The following COL25A1 variants were observed in gnomAD, a reference collection of about 807,000 sequenced individuals.
COL25A1 encodes collagen type XXV alpha 1 chain.
Under a neutral mutation model 128.4 loss-of-function variants are expected in COL25A1, and 103 were observed. The observed-to-expected ratio is 0.80, with a 90% CI of 0.68 to 0.94. The LOEUF is 0.94. Ranked by LOEUF, COL25A1 falls within the 40% of genes least tolerant of loss-of-function variation. COL25A1 has a pLI of 0.00. For synonymous variants in COL25A1, 279 were observed against 277.2 expected, an observed-to-expected ratio of 1.01 and a Z score of -0.06; for missense variants, 745 against 840.0, an observed-to-expected ratio of 0.89 and a Z score of 1.40.
At chr4:108,933,375 T>A (rs910482261) in intron 11 of COL25A1, among the ~76,000 whole-genome samples, 2 of 152,202 alleles carry the variant, frequency 1.3e-5, no homozygotes, top group African/African-American at 4.8e-5. Flanking sequence ...GTATTTATTA[T>A]CTTTTGTTTG....
rs557826067 is a variant in COL25A1, at chr4:109,210,256, T to C, written c.367+90327A>G. ...GCAATATGGTTGTCAAAAAACTCCA[T>C]TTTATATTGAATAACTGTAATGTTT... On this transcript the variant is annotated intron_variant, in intron 3 of 37. Transcript: ENST00000399132. Among the ~76,000 whole-genome samples, 186 of 152,172 alleles carry C rather than the reference T, an allele frequency of 1.2e-3. 1 individual carries two copies. The highest frequency in any genetic ancestry group is 4.1e-3 in the African/African-American group (170 of 41,468).
chr4:109,138,909 C>G (rs1429263185), intron 3 of COL25A1, among the ~76,000 whole-genome samples: 2 of 151,902 alleles, frequency 1.3e-5, no homozygotes, highest in South Asian at 2.1e-4. Context: ...GGGTTTCACC[C>G]TGTTAGCCAG....
chr4:109,198,294 TCACACACACACACACACA>T (rs112993547), intron 3 of COL25A1, among the ~76,000 whole-genome samples: 2 of 143,946 alleles, frequency 1.4e-5, no homozygotes, highest in Admixed American at 6.9e-5. Context: ...GCATATTCAT[TCACACACACACACACACA>T]CACACACACA....
intron 3 of COL25A1, among the ~76,000 whole-genome samples, chr4:109,293,004 A>G (rs1724617465): frequency 1.3e-5 from 2 of 152,002 alleles, no homozygotes; most frequent in Non-Finnish European, 2.9e-5. Context: ...TTATGATCAT[A>G]TCATATATTA....
chr4:109,139,830 G>GCCC (rs1770211487), intron 3 of COL25A1, among the ~76,000 whole-genome samples: 1 of 63,688 alleles, frequency 1.6e-5, no homozygotes, highest in Non-Finnish European at 3.3e-5. Context: ...CCCTCCCCCC[G>GCCC]ACCCCACAAC....
intron 3 of COL25A1, among the ~76,000 whole-genome samples, chr4:109,263,970 T>C (rs752320307): frequency 1.1e-4 from 16 of 152,194 alleles, no homozygotes; most frequent in Non-Finnish European, 2.1e-4. Context: ...AGTCGCTTCA[T>C]TCATGTCACT....
intron 3 of COL25A1, among the ~76,000 whole-genome samples, chr4:109,290,260 CT>C (rs947768202): frequency 2.0e-5 from 3 of 151,878 alleles, no homozygotes; most frequent in Non-Finnish European, 2.9e-5. Flanking sequence ...ATAAATGAAC[CT>C]TTTTTTTAAA....
chr4:108,810,083 G>A lies in COL25A1; in HGVS notation c.*3844C>T, dbSNP rs944411369. 1 of 151,582 alleles carries A rather than the reference G, an allele frequency of 6.6e-6. No individual in the cohort carries two copies. The highest frequency in any genetic ancestry group is 2.4e-5 in the African/African-American group (1 of 41,318). The allele number at this position is 151,582 out of a possible 1,614,324, so 9.4% of individuals were successfully genotyped here. On this transcript the variant is annotated 3_prime_UTR_variant, in exon 38 of 38. Transcript: ENST00000399132. ...TGTTGCTTATGATCACTTATTAGAAGATGTTAAAACACCACCAAAGTATAG... is the reference window on the plus strand; with the variant it reads ...TGTTGCTTATGATCACTTATTAGAAAATGTTAAAACACCACCAAAGTATAG...
intron 3 of COL25A1, among the ~76,000 whole-genome samples, chr4:109,168,732 G>A (rs1773300699): frequency 6.6e-6 from 1 of 152,076 alleles, no homozygotes; most frequent in African/African-American, 2.4e-5. Context: ...ACTAAACCAA[G>A]CTGTGACTCA....
At chr4:109,245,764 G>A (rs1393981959) in intron 3 of COL25A1, among the ~76,000 whole-genome samples, 1 of 152,092 alleles carries the variant, frequency 6.6e-6, no homozygotes, top group African/African-American at 2.4e-5. Context: ...AAGAATCATG[G>A]AACAGGAATA....
chr4:108,919,314 C>T (rs1010770947), intron 12 of COL25A1, among the ~76,000 whole-genome samples: 1 of 152,094 alleles, frequency 6.6e-6, no homozygotes, highest in African/African-American at 2.4e-5. Flanking sequence ...AAGGACTTCC[C>T]GAAGCCTGAA....
intron 6 of COL25A1, among the ~76,000 whole-genome samples, chr4:108,990,228 AAAAAAAAAAAAATATATATATAT>A (rs1221515484): frequency 4.2e-5 from 3 of 71,148 alleles, no homozygotes; most frequent in Admixed American, 2.2e-4. Flanking sequence ...AAAAAAAAAA[AAAAAAAAAAAAATATATATATAT>A]ATATATATAT....
intron 5 of COL25A1, among the ~76,000 whole-genome samples, chr4:109,013,197 G>A (rs138916763): frequency 0.08 from 12,111 of 151,878 alleles, 817 homozygotes; most frequent in African/African-American, 0.19. Flanking sequence ...ACCAATCAGT[G>A]CTCTGTGTCT....
At chr4:108,860,689 G>T (rs1210007260) in intron 23 of COL25A1, among the ~76,000 whole-genome samples, 2 of 152,032 alleles carry the variant, frequency 1.3e-5, no homozygotes, top group Non-Finnish European at 1.5e-5. Context: ...GTAGACAGGG[G>T]GAGTTCTTTA....
intron 3 of COL25A1, among the ~76,000 whole-genome samples, chr4:109,052,118 C>A (rs1013916361): frequency 2.6e-5 from 4 of 152,010 alleles, no homozygotes; most frequent in African/African-American, 9.7e-5. Context: ...ATGTGTCTTT[C>A]AACAGTGGAT....
chr4:108,845,294 T>C, intron 28 of COL25A1, 43 bp from the exon 29 acceptor site: 1 of 1,529,496 alleles, frequency 6.5e-7, no homozygotes, highest in Non-Finnish European at 9.1e-7. Context: ...TAAAGTTATT[T>C]CCAGTGTAAG....
At chr4:109,293,798 A>G (rs1724706809) in intron 3 of COL25A1, among the ~76,000 whole-genome samples, 1 of 152,138 alleles carries the variant, frequency 6.6e-6, no homozygotes, top group South Asian at 2.1e-4. Context: ...TTATGTGGCA[A>G]CTTAACATTG....
intron 3 of COL25A1, among the ~76,000 whole-genome samples, chr4:109,288,398 C>A (rs775961721): frequency 6.6e-6 from 1 of 152,126 alleles, no homozygotes; most frequent in East Asian, 1.9e-4. Flanking sequence ...AATTGATTTA[C>A]TCACAAATAT....
At chr4:109,091,732 GAA>G (rs546146394) in intron 3 of COL25A1, among the ~76,000 whole-genome samples, 18 of 129,614 alleles carry the variant, frequency 1.4e-4, no homozygotes, top group South Asian at 4.9e-4. Flanking sequence ...TCTTTAGGTG[GAA>G]AAAAAAAAAA....
Sources: allele counts gnomAD v4.1 joint callset (sites outside exome capture counted in the v4.1 genomes callset), GRCh38; gene constraint gnomAD v4.1.1; transcripts MANE v1.5; gene names NCBI Gene and HGNC (gene_info 2026-07-23, HGNC 2026-07-21).